MYH3: variants seen among roughly 807,000 people sequenced by gnomAD.
MYH3 encodes the protein myosin heavy chain 3.
Under a neutral mutation model 238.0 loss-of-function variants are expected in MYH3, and 130 were observed. That is an observed-to-expected ratio of 0.55 (90% CI 0.47 to 0.63). The LOEUF (loss-of-function observed/expected upper bound fraction) is 0.63. MYH3 is among the 30% of genes least tolerant of loss of function. The probability of loss-of-function intolerance (pLI) is 0.00; values close to 1 mark genes in which losing one functional copy is unlikely to be tolerated. For synonymous variants in MYH3, 880 were observed against 924.1 expected (o/e 0.95, Z 0.86); for missense variants, 1,853 against 2,374.9 (o/e 0.78, Z 4.57).
At chr17:10,650,680 G>A (rs929232464) in intron 5 of MYH3, among the ~76,000 whole-genome samples, 7 of 152,070 alleles carry the variant, frequency 4.6e-5, no homozygotes, top group African/African-American at 7.2e-5. Flanking sequence ...TAACAAATCC[G>A]TCACCTCACA....
chr17:10,632,907 C>A lies in MYH3; in HGVS notation c.4648-123G>T, dbSNP rs1160220787. ...ATCTAATCCTACAATAGTCACAATT[C>A]ACTTTTTAAATGTCCCCAAATTGGC... is the stretch of plus-strand genomic sequence containing the variant. On this transcript the variant is annotated intron_variant, in intron 33 of 40. Transcript: ENST00000583535. 4.2e-5 allele frequency: 50 copies of A among 1,185,902 alleles called. No homozygotes were observed. In the South Asian group the frequency reaches 5.7e-4, roughly 14 times the overall value. The allele number at this position is 1,185,902 out of a possible 1,614,324, so 73.5% of individuals were successfully genotyped here.
intron 5 of MYH3, 39 bp from the exon 6 acceptor site, chr17:10,650,440 G>A: frequency 1.3e-6 from 2 of 1,585,262 alleles, no homozygotes; most frequent in Middle Eastern, 1.7e-4. Context: ...GATGGCAATA[G>A]AAAAAGAGCT....
Position 10,644,156 on chromosome 17 carries a change from C to CA in MYH3, c.1410+194dup, listed in dbSNP as rs773273552. ...TGAGTGACAGGGTGAAACTCAGTCT[C>CA]AAAAAAAAAAAACAAACAAAAAACC... is the stretch of plus-strand genomic sequence containing the variant. On this transcript the variant is annotated intron_variant, in intron 14 of 40. Coordinates refer to ENST00000583535, the MANE Select transcript of MYH3 (RefSeq NM_002470.4). Among the ~76,000 whole-genome samples the CA allele has an allele frequency of 0.14, 12,568 of 88,492 alleles. 960 individuals carry two copies. The highest frequency in any genetic ancestry group is 0.25 in the African/African-American group (8,287 of 33,710). The allele number at this position is 88,492 out of a possible 152,430, so 58.1% of individuals were successfully genotyped here.
At chr17:10,629,996 T>TGGGCA in intron 38 of MYH3, 59 bp from the exon 39 acceptor site, 1 of 1,606,730 alleles carries the variant, frequency 6.2e-7, no homozygotes. Context: ...GCACACGGCA[T>TGGGCA]GGGCAGCTTT....
upstream of MYH3, among the ~76,000 whole-genome samples, chr17:10,657,830 A>G (rs571135059): frequency 2.6e-5 from 4 of 152,208 alleles, no homozygotes; most frequent in Non-Finnish European, 5.9e-5. Flanking sequence ...AATAATAATA[A>G]TAATTAATAG....
At chr17:10,669,067 T>C in the MYH3 span, among the ~76,000 whole-genome samples, 3 of 152,174 alleles carry the variant, frequency 2.0e-5, no homozygotes, top group African/African-American at 7.2e-5. Context: ...ATGGGGAAAC[T>C]ATGACTCAGT....
intron 5 of MYH3, 103 bp downstream of exon 5, chr17:10,651,409 T>C (rs2074373037): frequency 6.3e-7 from 1 of 1,591,052 alleles, no homozygotes; most frequent in Non-Finnish European, 8.6e-7. Context: ...CCTTTCCCTG[T>C]GCTAAACACC....
At chr17:10,651,483 C>T (rs756121276) in intron 5 of MYH3, 29 bp downstream of exon 5, 27 of 1,612,428 alleles carry the variant, frequency 1.7e-5, no homozygotes, top group South Asian at 3.3e-5. Context: ...CCTGCTCCAG[C>T]ATCCCATGCT....
At position 10,630,201 on chromosome 17, in the gene MYH3, G is replaced by A. The variant is rs377667879; in HGVS notation, c.5458-5C>T. The A allele has an allele frequency of 6.2e-7, 1 of 1,614,026 alleles. No individual in the cohort carries two copies. The highest frequency in any genetic ancestry group is 8.5e-7 in the Non-Finnish European group (1 of 1,180,014). On this transcript the variant is annotated splice_region_variant and splice_polypyrimidine_tract_variant and intron_variant, in intron 37 of 40. Transcript: ENST00000583535. ...TTCAAACTCCAGCTCTCGGATCTGG[G>A]GGAGAGGGTGGGGAAATTAGTCTGG...
intron 1 of MYH3, among the ~76,000 whole-genome samples, chr17:10,657,035 G>GA (rs1469677329): frequency 6.6e-6 from 1 of 152,172 alleles, no homozygotes; most frequent in East Asian, 1.9e-4. Flanking sequence ...GAGGACAGGG[G>GA]AGAGTGTGTG....
At chr17:10,670,849 C>T in the MYH3 span, among the ~76,000 whole-genome samples, 1 of 152,008 alleles carries the variant, frequency 6.6e-6, no homozygotes, top group Non-Finnish European at 1.5e-5. This position sits in a 1 kb window ranked among gnomAD's most constrained non-coding sequence, Gnocchi z 7.0. Flanking sequence ...CTACGGTACC[C>T]CACTTATGAA....
In MYH3 at chr17:10,641,077, T is replaced by C; in HGVS notation, c.2165+8A>G. The C allele has an allele frequency of 6.4e-7, 1 of 1,568,138 alleles. No homozygotes were observed. Among genetic ancestry groups the C allele is most frequent in the African/African-American group, 1.3e-5 (1 of 74,288 alleles). Reference sequence around the variant, plus strand: ...TCCCCAAGCATATAGAACATGTTTATTACACACCTTTGTTTAAAATCGCCA... The same window carrying C: ...TCCCCAAGCATATAGAACATGTTTACTACACACCTTTGTTTAAAATCGCCA... On this transcript the variant is annotated splice_region_variant and intron_variant, in intron 19 of 40. Coordinates refer to ENST00000583535, the MANE Select transcript of MYH3 (RefSeq NM_002470.4).
At position 10,635,492 on chromosome 17, in the gene MYH3, C is replaced by A. The variant is rs754959543; in HGVS notation, c.4047G>T (p.Glu1349Asp). 3.1e-6 allele frequency: 5 copies of A among 1,614,248 alleles called. No homozygotes were observed. The highest frequency in any genetic ancestry group is 2.5e-6 in the Non-Finnish European group (3 of 1,180,046). The change falls in exon 30 of 41, where the codon GAG becomes GAT. Residue 1349 changes from glutamate to aspartate, a missense_variant. This residue lies in a region of MYH3 where 1,044 missense variants were observed against 1,192.6 expected (regional missense o/e 0.88). Coordinates refer to ENST00000583535, the MANE Select transcript of MYH3 (RefSeq NM_002470.4). Reference sequence around the variant, plus strand: ...GCTCAGCTTTGCCTTCCTGCTCCTCCTCATACTGTTCCCGCAGCAGGTCAC... The same window carrying A: ...GCTCAGCTTTGCCTTCCTGCTCCTCATCATACTGTTCCCGCAGCAGGTCAC... ...HDCDLLREQY[E>D]EEQEGKAELQ... is the part of the protein sequence containing the mutation.
the MYH3 span, among the ~76,000 whole-genome samples, chr17:10,668,168 G>A: frequency 1.6e-4 from 25 of 152,340 alleles, no homozygotes; most frequent in African/African-American, 5.5e-4. Flanking sequence ...GCCAAGGCAT[G>A]TGGATCACCT....
At chr17:10,649,714 A>C in intron 6 of MYH3, 29 bp from the exon 7 acceptor site, 1 of 1,604,086 alleles carries the variant, frequency 6.2e-7, no homozygotes, top group Non-Finnish European at 8.5e-7. Flanking sequence ...AGAGAGAGAA[A>C]GAAACAAGTC....
In MYH3 at chr17:10,632,011, C is replaced by G. The variant is rs147973323; in HGVS notation, c.4962G>C (p.Thr1654=). 1 of 1,613,362 alleles carries G rather than the reference C, an allele frequency of 6.2e-7. No individual in the cohort carries two copies. Among genetic ancestry groups the G allele is most frequent in the Non-Finnish European group, 8.5e-7 (1 of 1,180,044 alleles). The change falls in exon 35 of 41, where the codon ACG becomes ACC. Residue 1654 remains threonine, a synonymous_variant. Transcript: ENST00000583535. ...GGAGGGCATCATCCAGGTGGAGCTG[C>G]GTATCCTAGCCAGAGAAAAACGAAC... ...LRSVQGQLKD[T]QLHLDDALRG... is the part of the protein sequence containing the mutation.
rs200874086 is a variant in MYH3 at position 10,654,164 on chromosome 17, TC to T, written c.204+696del. On this transcript the variant is annotated intron_variant, in intron 3 of 40. Transcript: ENST00000583535. This position sits in a 1 kb window ranked among gnomAD's most constrained non-coding sequence, Gnocchi z 4.5. The stretch of plus-strand genomic sequence containing the variant: ...CTTTCTTTCTTTCTCTTTCTTTCTT[TC>T]CTTCCTTCCTTGCTTTCTTTCTTCC... Among the ~76,000 whole-genome samples, 22 of 129,696 alleles carry T rather than the reference TC, an allele frequency of 1.7e-4. No individual in the cohort carries two copies. The highest frequency in any genetic ancestry group is 2.5e-4 in the South Asian group (1 of 4,020). The allele number at this position is 129,696 out of a possible 152,430, so 85.1% of individuals were successfully genotyped here.
chr17:10,630,576 G>T, intron 36 of MYH3, 118 bp from the exon 37 acceptor site: 1 of 1,478,628 alleles, frequency 6.8e-7, no homozygotes, highest in East Asian at 2.3e-5. Flanking sequence ...CAGGCCAGGC[G>T]CGGTGGCTCA....
chr17:10,630,745 G>A (rs953388686), intron 36 of MYH3, among the ~76,000 whole-genome samples: 3 of 152,100 alleles, frequency 2.0e-5, no homozygotes, highest in South Asian at 2.1e-4. Flanking sequence ...CAGCTACTCC[G>A]GAGGCTGAGG....
Sources: gnomAD v4.1 joint callset for allele counts (sites outside exome capture counted in the v4.1 genomes callset) on GRCh38, gnomAD v4.1.1 for gene constraint, gnomAD v4.1.1 regional missense constraint, Gnocchi (gnomAD v3.1) non-coding constraint, MANE v1.5 for transcripts, NCBI Gene and HGNC (gene_info 2026-07-23, HGNC 2026-07-21) for gene names.